The following MCPH1 variants were observed in gnomAD, a reference collection of about 807,000 sequenced individuals.
MCPH1 encodes microcephalin.
Under a neutral mutation model 84.5 loss-of-function variants are expected in MCPH1, and 104 were observed. That is an observed-to-expected ratio of 1.23 (90% confidence interval 1.05 to 1.45). The LOEUF (loss-of-function observed/expected upper bound fraction) is 1.45. Among genes scored for constraint, MCPH1 ranks in the 40% most tolerant of loss-of-function variants. The probability of loss-of-function intolerance (pLI) is 0.00; values close to 1 mark genes in which losing one functional copy is unlikely to be tolerated. For synonymous variants in MCPH1, 514 were observed against 366.8 expected, an observed-to-expected ratio of 1.40 and a Z score of -4.58; for missense variants, 1,498 against 1,005.7, an observed-to-expected ratio of 1.49 and a Z score of -6.62.
chr8:6,591,639 G>A (rs1313978511), intron 12 of MCPH1, among the ~76,000 whole-genome samples: 1 of 152,126 alleles, frequency 6.6e-6, no homozygotes, highest in Non-Finnish European at 1.5e-5. Context: ...CGTATTCCAG[G>A]ACACGTGGCC....
chr8:6,609,303 C>A (rs1420907999), intron 12 of MCPH1, among the ~76,000 whole-genome samples: 5 of 152,196 alleles, frequency 3.3e-5, no homozygotes, highest in Non-Finnish European at 7.3e-5. Context: ...GAGCGTGTGC[C>A]CACTATCGGG....
chr8:6,407,628 C>G (rs1005169673), intron 1 of MCPH1, among the ~76,000 whole-genome samples: 2 of 152,308 alleles, frequency 1.3e-5, no homozygotes, highest in African/African-American at 4.8e-5. Flanking sequence ...AGGCTTTATA[C>G]AAAGTCTGTA....
intron 12 of MCPH1, among the ~76,000 whole-genome samples, chr8:6,535,294 G>T (rs1025763729): frequency 1.3e-5 from 2 of 152,166 alleles, no homozygotes; most frequent in Non-Finnish European, 2.9e-5. Context: ...TGAGAGGATT[G>T]TTTATAATTG....
chr8:6,408,826 G>A (rs1798117955), intron 1 of MCPH1, among the ~76,000 whole-genome samples: 1 of 151,964 alleles, frequency 6.6e-6, no homozygotes, highest in Non-Finnish European at 1.5e-5. Context: ...GCCTTCCAGA[G>A]TGCTGCAATT....
chr8:6,630,095 C>T (rs1331611714), intron 13 of MCPH1, among the ~76,000 whole-genome samples: 1 of 151,986 alleles, frequency 6.6e-6, no homozygotes. Context: ...AAATGGATGG[C>T]AGTAAAGTAA....
intron 12 of MCPH1, chr8:6,620,952 C>T (rs1485047420): frequency 2.5e-4 from 45 of 182,622 alleles, no homozygotes; most frequent in Admixed American, 2.4e-3. Flanking sequence ...TCTCCCTTTC[C>T]CCGTCCAGAC....
intron 9 of MCPH1, among the ~76,000 whole-genome samples, chr8:6,462,295 G>A (rs910925627): frequency 6.6e-6 from 1 of 152,182 alleles, no homozygotes; most frequent in Non-Finnish European, 1.5e-5. Flanking sequence ...GCTAGAATAT[G>A]AGCCCATAAG....
At chr8:6,633,543 C>G (rs1407274297) in intron 13 of MCPH1, among the ~76,000 whole-genome samples, 1 of 152,156 alleles carries the variant, frequency 6.6e-6, no homozygotes. Context: ...AATTCCACAC[C>G]TGACCTCATG....
At chr8:6,580,606 A>C (rs561515574) in intron 12 of MCPH1, among the ~76,000 whole-genome samples, 26 of 152,300 alleles carry the variant, frequency 1.7e-4, no homozygotes, top group African/African-American at 1.2e-4. Context: ...AGCTGTGATC[A>C]TGCCACTGCA....
At chr8:6,514,099 G>C (rs931752333) in intron 12 of MCPH1, among the ~76,000 whole-genome samples, 1 of 152,130 alleles carries the variant, frequency 6.6e-6, no homozygotes, top group Non-Finnish European at 1.5e-5. Context: ...AGAAGCCTTG[G>C]CATAAACAGC....
At chr8:6,466,958 T>C (rs145520036) in intron 9 of MCPH1, among the ~76,000 whole-genome samples, 51 of 152,352 alleles carry the variant, frequency 3.3e-4, no homozygotes, top group African/African-American at 1.1e-3. Flanking sequence ...CCAAATAATA[T>C]TTAGGAATAT....
At chr8:6,498,331 A>G (rs80215606) in intron 11 of MCPH1, among the ~76,000 whole-genome samples, 4,966 of 152,266 alleles carry the variant, frequency 0.033, 287 homozygotes, top group African/African-American at 0.11. Flanking sequence ...TATTAAGGTA[A>G]AGATGTGTTC....
chr8:6,641,627 C>T (rs1797942993), intron 13 of MCPH1, among the ~76,000 whole-genome samples: 1 of 152,090 alleles, frequency 6.6e-6, no homozygotes, highest in Non-Finnish European at 1.5e-5. Context: ...ACCTGTAGTC[C>T]CGGCTACCTG....
chr8:6,516,556 G>C (rs546670870), intron 12 of MCPH1, among the ~76,000 whole-genome samples: 16 of 152,238 alleles, frequency 1.1e-4, no homozygotes, highest in Admixed American at 5.2e-4. Flanking sequence ...GAATAATACT[G>C]CCTCTTATTT....
chr8:6,467,896 C>A (rs532434759), intron 9 of MCPH1, among the ~76,000 whole-genome samples: 12 of 152,308 alleles, frequency 7.9e-5, no homozygotes, highest in African/African-American at 2.6e-4. Flanking sequence ...CCATGCCTGG[C>A]CCATGGAGTA....
chr8:6,621,404 G>C lies in MCPH1; in HGVS notation c.2215-50G>C, dbSNP rs772192913. On this transcript the variant is annotated intron_variant, in intron 12 of 13. Transcript: ENST00000344683. ...ACTGCAACAGTTCGCCTACGCTATG[G>C]AGACTGGAGTGGTCCCACCTCTGTA... The C allele has an allele frequency of 6.8e-6, 11 of 1,608,336 alleles. 1 individual carries two copies. Among genetic ancestry groups the C allele is most frequent in the Middle Eastern group, 1.7e-4 (1 of 6,058 alleles).
rs537443444 is a variant in MCPH1, at chr8:6,514,691, T to C, written c.2214+14762T>C. 1.7e-5 allele frequency: 28 copies of C among 1,614,084 alleles called. No homozygotes were observed. In the African/African-American group the frequency reaches 2.5e-4, roughly 15 times the overall value. ...AATGTCCTTACCACTTTATATTCTT[T>C]CCAAGTCCTCTGAAAATCAACGCTG... On this transcript the variant is annotated intron_variant, in intron 12 of 13. Coordinates refer to ENST00000344683, the MANE Select transcript of MCPH1 (RefSeq NM_024596.5).
chr8:6,550,344 C>T (rs1563110512), intron 12 of MCPH1, among the ~76,000 whole-genome samples: 1 of 152,164 alleles, frequency 6.6e-6, no homozygotes, highest in African/African-American at 2.4e-5. Context: ...GGCAGTGTGG[C>T]GTGGGGCTGT....
chr8:6,428,833 C>A (rs1801438549), intron 3 of MCPH1, among the ~76,000 whole-genome samples: 1 of 152,224 alleles, frequency 6.6e-6, no homozygotes, highest in Admixed American at 6.5e-5. Flanking sequence ...CCCTTTTCAC[C>A]CTCAATTCCT....
Sources: gnomAD v4.1 joint callset for allele counts (sites outside exome capture counted in the v4.1 genomes callset) on GRCh38, gnomAD v4.1.1 for gene constraint, MANE v1.5 for transcripts, NCBI Gene and HGNC (gene_info 2026-07-23, HGNC 2026-07-21) for gene names.